The following AKT3 variants were observed in gnomAD, a reference collection of about 807,000 sequenced individuals.
AKT3 encodes RAC-gamma serine/threonine-protein kinase.
A neutral mutation model predicts 65.3 loss-of-function variants in AKT3; 15 were observed. The ratio of observed to expected loss-of-function variants is 0.23; its 90% CI spans 0.15 to 0.35. The LOEUF is 0.35. AKT3 is among the 10% of genes least tolerant of loss of function. The pLI is 1.00. For synonymous variants in AKT3, 206 were observed against 183.8 expected, an observed-to-expected ratio of 1.12 and a Z score of -0.98; for missense variants, 243 against 576.5, an observed-to-expected ratio of 0.42 and a Z score of 5.92.
At chr1:243,817,378 T>C (rs986443843) in intron 2 of AKT3, among the ~76,000 whole-genome samples, 1 of 152,216 alleles carries the variant, frequency 6.6e-6, no homozygotes, top group South Asian at 2.1e-4. Context: ...TGCCAAAATA[T>C]ATGAATAATA....
chr1:243,752,655 A>C (rs557030138), intron 2 of AKT3, among the ~76,000 whole-genome samples: 34 of 152,338 alleles, frequency 2.2e-4, no homozygotes, highest in African/African-American at 7.9e-4. Context: ...AAAATAACAG[A>C]AACACTTTGC....
In AKT3 at chr1:243,561,126, T is replaced by C. The variant is rs148806392; in HGVS notation, c.948+2594A>G. Among the ~76,000 whole-genome samples, 1,238 of 152,182 alleles carry C rather than the reference T, an allele frequency of 8.1e-3. 23 individuals carry two copies. Among genetic ancestry groups the C allele is most frequent in the African/African-American group, 0.028 (1,159 of 41,554 alleles). On this transcript the variant is annotated intron_variant, in intron 10 of 13. Coordinates refer to ENST00000673466, the MANE Select transcript of AKT3 (RefSeq NM_005465.7). ...AATTATATTTTTGGCAAGAAAATAA[T>C]AGTATGAAATTTATTGTATTTTAAA... is the stretch of plus-strand genomic sequence containing the variant.
At chr1:243,743,370 T>C (rs953636145) in intron 2 of AKT3, among the ~76,000 whole-genome samples, 2 of 152,228 alleles carry the variant, frequency 1.3e-5, no homozygotes, top group Non-Finnish European at 1.5e-5. Context: ...AACCACTGTT[T>C]GTTTAAAACA....
intron 9 of AKT3, among the ~76,000 whole-genome samples, chr1:243,567,870 G>GT (rs1339321860): frequency 6.6e-6 from 1 of 152,118 alleles, no homozygotes; most frequent in Non-Finnish European, 1.5e-5. Context: ...CATTAACAGA[G>GT]TTTCTGTAAA....
chr1:243,785,715 C>A (rs1457258075), intron 2 of AKT3, among the ~76,000 whole-genome samples: 1 of 152,178 alleles, frequency 6.6e-6, no homozygotes, highest in Admixed American at 6.5e-5. Flanking sequence ...GCCAAGCACC[C>A]TATAACCATG....
At chr1:243,709,260 GA>G (rs1238743961) in intron 2 of AKT3, among the ~76,000 whole-genome samples, 15 of 67,660 alleles carry the variant, frequency 2.2e-4, no homozygotes, top group South Asian at 4.6e-4. Context: ...CTCCCATATA[GA>G]AAAAAAAAAA....
intron 4 of AKT3, among the ~76,000 whole-genome samples, chr1:243,652,930 C>A (rs1215723297): frequency 6.6e-6 from 1 of 151,898 alleles, no homozygotes; most frequent in African/African-American, 2.4e-5. Flanking sequence ...ATAGACGCAT[C>A]CAACACAGGA....
Position 243,504,552 on chromosome 1 carries a change from C to T in AKT3, c.*697G>A, listed in dbSNP as rs994811235. 16 of 187,974 alleles carry T rather than the reference C, an allele frequency of 8.5e-5. No homozygotes were observed. The highest frequency in any genetic ancestry group is 2.6e-4 in the African/African-American group (11 of 42,656). 11.6% of individuals were successfully genotyped at this position (187,974 alleles called of 1,614,324 possible). The stretch of plus-strand genomic sequence containing the variant: ...TTCTTGGTAGAACAGTGTTCACTTG[C>T]TCATGATTGCCCGTGAAGTCTCGAC... On this transcript the variant is annotated 3_prime_UTR_variant, in exon 14 of 14. Transcript: ENST00000673466.
intron 2 of AKT3, among the ~76,000 whole-genome samples, chr1:243,781,384 T>G (rs1690905055): frequency 6.6e-6 from 1 of 152,190 alleles, no homozygotes; most frequent in Non-Finnish European, 1.5e-5. Context: ...CATTTTGTTT[T>G]ACTTCACATT....
At chr1:243,583,184 A>ATG (rs1179933910) in intron 8 of AKT3, among the ~76,000 whole-genome samples, 1 of 118,672 alleles carries the variant, frequency 8.4e-6, no homozygotes, top group Non-Finnish European at 1.9e-5. Flanking sequence ...ATATATATAT[A>ATG]TATATATATA....
chr1:243,667,929 C>A (rs763928085), intron 3 of AKT3, among the ~76,000 whole-genome samples: 1 of 152,168 alleles, frequency 6.6e-6, no homozygotes, highest in Admixed American at 6.5e-5. Flanking sequence ...TCTTTCCCCC[C>A]TCACACACCC....
intron 10 of AKT3, among the ~76,000 whole-genome samples, chr1:243,554,884 G>T (rs765591327): frequency 6.6e-6 from 1 of 151,656 alleles, no homozygotes; most frequent in African/African-American, 2.4e-5. Flanking sequence ...GGCAAAACTG[G>T]CAATCCTTTA....
chr1:243,785,375 GC>G (rs1691198399), intron 2 of AKT3, among the ~76,000 whole-genome samples: 1 of 151,922 alleles, frequency 6.6e-6, no homozygotes, highest in Non-Finnish European at 1.5e-5. Context: ...ACCGTGCCCA[GC>G]CCCACCTCAA....
intron 11 of AKT3, among the ~76,000 whole-genome samples, chr1:243,551,978 T>C (rs1673098051): frequency 6.6e-6 from 1 of 152,086 alleles, no homozygotes; most frequent in Admixed American, 6.5e-5. Context: ...ATAGAAAAGA[T>C]TATTTTCAAA....
At chr1:243,519,513 G>A (rs768936008) in intron 12 of AKT3, among the ~76,000 whole-genome samples, 12 of 152,112 alleles carry the variant, frequency 7.9e-5, no homozygotes, top group Non-Finnish European at 1.6e-4. Context: ...CAGTTTTTTG[G>A]GTGCTCAAGG....
intron 8 of AKT3, among the ~76,000 whole-genome samples, chr1:243,583,164 G>GTATATATATATATA (rs1383107055): frequency 1.7e-4 from 13 of 74,944 alleles, no homozygotes; most frequent in African/African-American, 5.5e-4. Flanking sequence ...CCATGTATAT[G>GTATATATATATATA]TGTGTGTATA....
intron 11 of AKT3, among the ~76,000 whole-genome samples, chr1:243,546,223 G>C (rs1672666740): frequency 6.6e-6 from 1 of 152,230 alleles, no homozygotes; most frequent in Middle Eastern, 3.4e-3. Context: ...ATGATTGTGA[G>C]GCCTCCCCAG....
chr1:243,498,604 T>A (rs2148325024), downstream of AKT3, among the ~76,000 whole-genome samples: 1 of 152,340 alleles, frequency 6.6e-6, no homozygotes, highest in Middle Eastern at 3.4e-3. Flanking sequence ...CACTGGGAAA[T>A]CTACTTGAAA....
intron 8 of AKT3, among the ~76,000 whole-genome samples, chr1:243,575,722 T>C (rs191736155): frequency 8.4e-4 from 128 of 152,282 alleles, no homozygotes; most frequent in South Asian, 1.5e-3. Context: ...TTTTGAAGAA[T>C]AGGTTTTTCA....
Sources: gnomAD v4.1 joint callset for allele counts (sites outside exome capture counted in the v4.1 genomes callset) on GRCh38, gnomAD v4.1.1 for gene constraint, MANE v1.5 for transcripts, NCBI Gene and HGNC (gene_info 2026-07-23, HGNC 2026-07-21) for gene names.